Variants in CROCC2 observed in about 807,000 individuals in gnomAD.
The protein encoded by CROCC2 is ciliary rootlet coiled-coil protein 2.
Under a neutral mutation model 177.6 loss-of-function variants are expected in CROCC2, and 163 were observed. That is an observed-to-expected ratio of 0.92 (90% CI 0.81 to 1.05). The LOEUF is 1.05. Ranked by LOEUF, CROCC2 falls within the 50% of genes least tolerant of loss-of-function variation. CROCC2 has a pLI of 0.00. For synonymous variants in CROCC2, 904 were observed against 787.3 expected (o/e 1.15, Z -2.48); for missense variants, 1,929 against 1,797.8 (o/e 1.07, Z -1.32).
chr2:240,981,615 A>T (rs1036006030), intron 27 of CROCC2: 1 of 152,116 alleles, frequency 6.6e-6, no homozygotes, highest in African/African-American at 2.4e-5. Context: ...TATTTGCAGA[A>T]AACTTCTGCT....
intron 20 of CROCC2, chr2:240,959,860 G>A (rs749280746): frequency 1.4e-4 from 22 of 161,618 alleles, no homozygotes; most frequent in Non-Finnish European, 2.6e-4. Flanking sequence ...GGAGGCTGCC[G>A]TGGGTCCCGA....
chr2:240,969,859 T>G (rs2059709340), intron 27 of CROCC2, among the ~76,000 whole-genome samples: 3 of 152,064 alleles, frequency 2.0e-5, no homozygotes, highest in Admixed American at 6.6e-5. Flanking sequence ...GCTTCCCAAG[T>G]AGTCGGGATT....
At chr2:240,956,638 G>T (rs2059592220) in intron 19 of CROCC2, among the ~76,000 whole-genome samples, 1 of 152,246 alleles carries the variant, frequency 6.6e-6, no homozygotes, top group South Asian at 2.1e-4. Context: ...CCAGGGGGCT[G>T]GACAGGCAGC....
Position 240,949,579 on chromosome 2 carries a change from G to A in CROCC2, c.2529G>A (p.Lys843=). The stretch of plus-strand genomic sequence containing the variant: ...GTGACTGGGAGGTCCAGGAAATGAA[G>A]CTGCGGCAGGACACGGTGCGGCTCC... ...LQSDWEVQEM[K]LRQDTVRLQR... The change falls in exon 17 of 32, where the codon AAG becomes AAA. Residue 843 remains lysine (K), a synonymous_variant. Coordinates refer to ENST00000690015, the MANE Select transcript of CROCC2 (RefSeq NM_001351305.2). This position sits in a 1 kb window ranked among gnomAD's most constrained non-coding sequence, Gnocchi z 4.5. 2 of 1,550,618 alleles carry A rather than the reference G, an allele frequency of 1.3e-6. 1 individual carries two copies. Among genetic ancestry groups the A allele is most frequent in the South Asian group, 2.4e-5 (2 of 84,064 alleles).
intron 14 of CROCC2, among the ~76,000 whole-genome samples, chr2:240,938,503 C>T (rs938313313): frequency 6.6e-6 from 1 of 152,232 alleles, no homozygotes; most frequent in Non-Finnish European, 1.5e-5. Context: ...GTACACACAT[C>T]CACCTTGTTC....
chr2:240,987,084 T>C (rs1319139928), intron 28 of CROCC2, among the ~76,000 whole-genome samples: 3 of 152,220 alleles, frequency 2.0e-5, no homozygotes, highest in South Asian at 4.1e-4. Flanking sequence ...CACCAGCCCC[T>C]GCTGCTATTA....
At position 240,964,534 on chromosome 2, in the gene CROCC2, A is replaced by C; in HGVS notation, c.3374A>C (p.Gln1125Pro). 6.5e-7 allele frequency: 1 copy of C among 1,549,486 alleles called. No homozygotes were observed. The highest frequency in any genetic ancestry group is 8.7e-7 in the Non-Finnish European group (1 of 1,146,888). The change falls in exon 22 of 32, where the codon CAG becomes CCG. Residue 1125 changes from glutamine (Q) to proline (P), a missense_variant. Gln to Pro is a moderately conservative substitution (Grantham distance 76). Coordinates refer to ENST00000690015, the MANE Select transcript of CROCC2 (RefSeq NM_001351305.2). ...CTGGAGGAGGCCCAGGCGGCGTTGCAGCAGGAGGCCAGTGCACTGCGGGCC... is the reference window on the plus strand; with the variant it reads ...CTGGAGGAGGCCCAGGCGGCGTTGCCGCAGGAGGCCAGTGCACTGCGGGCC... ...LILEEAQAAL[Q>P]QEASALRAHL... is the part of the protein sequence containing the mutation.
intron 27 of CROCC2, among the ~76,000 whole-genome samples, chr2:240,970,108 C>G (rs1012503256): frequency 3.3e-5 from 5 of 152,190 alleles, no homozygotes; most frequent in African/African-American, 4.8e-5. Flanking sequence ...CTGAATTTAT[C>G]AAAACTAAGG....
In CROCC2 at chr2:240,918,950, T is replaced by G. The variant is rs13012377; in HGVS notation, c.229+74T>G. The G allele has an allele frequency of 0.013, 5,776 of 436,350 alleles. 95 individuals are homozygous for G. Among genetic ancestry groups the G allele is most frequent in the African/African-American group, 0.11 (3,155 of 27,536 alleles). 27.0% of individuals were successfully genotyped at this position (436,350 alleles called of 1,614,324 possible). A position where few individuals can be genotyped will look rare whatever the true frequency, so the allele number is the denominator to read the frequency against. ...GCGTGGGGGACAGTCCTGGGCCCGG[T>G]GCTGGCCAAGGTGACGGCGTGGGGG... is the stretch of plus-strand genomic sequence containing the variant. On this transcript the variant is annotated intron_variant, in intron 2 of 31. Coordinates refer to ENST00000690015, the MANE Select transcript of CROCC2 (RefSeq NM_001351305.2). This position sits in a 1 kb window ranked among gnomAD's most constrained non-coding sequence, Gnocchi z 6.3.
rs2059568848 is a variant in CROCC2, at chr2:240,953,314, C to T, written c.2830-2545C>T. ...CCTGTAATCCCCGCTACTCAGGAGG[C>T]TGAGGCAGGAGAATCGCTTGAACCC... On this transcript the variant is annotated intron_variant, in intron 18 of 31. Transcript: ENST00000690015. This position sits in a 1 kb window ranked among gnomAD's most constrained non-coding sequence, Gnocchi z 4.0. 6.6e-6 allele frequency among the ~76,000 whole-genome samples: 1 copy of T among 152,002 alleles called. No homozygotes were observed. The highest frequency in any genetic ancestry group is 6.5e-5 in the Admixed American group (1 of 15,272).
Position 240,950,366 on chromosome 2 carries a change from G to A in CROCC2, c.2685G>A (p.Lys895=), listed in dbSNP as rs201056750. 1.8e-3 allele frequency: 2,843 copies of A among 1,550,134 alleles called. 3 individuals carry two copies. The highest frequency in any genetic ancestry group is 2.4e-3 in the Non-Finnish European group (2,698 of 1,146,804). The stretch of plus-strand genomic sequence containing the variant: ...TGAGCCTGACCCTGGCAGAGGAGAA[G>A]GAGGTAGCCAGATGCCAGCTGGAGC... ...ETLSLTLAEE[K]EVARCQLEQE... is the part of the protein sequence containing the mutation. The change falls in exon 18 of 32, where the codon AAG becomes AAA. Residue 895 remains lysine (K), a synonymous_variant. Coordinates refer to ENST00000690015, the MANE Select transcript of CROCC2 (RefSeq NM_001351305.2).
intron 15 of CROCC2, among the ~76,000 whole-genome samples, chr2:240,946,619 C>A (rs1273128581): frequency 6.6e-6 from 1 of 152,206 alleles, no homozygotes; most frequent in East Asian, 1.9e-4. Flanking sequence ...CCCTCAGAAT[C>A]CTGCTTCTCT....
rs117091177 is a variant in CROCC2, at chr2:240,950,381, C to T, written c.2700C>T (p.Cys900=). The change falls in exon 18 of 32, where the codon TGC becomes TGT. Residue 900 remains cysteine (C), a synonymous_variant. Transcript: ENST00000690015. ...CAGAGGAGAAGGAGGTAGCCAGATGCCAGCTGGAGCAGGAGAAGGAGCTGG... is the reference window on the plus strand; with the variant it reads ...CAGAGGAGAAGGAGGTAGCCAGATGTCAGCTGGAGCAGGAGAAGGAGCTGG... ...TLAEEKEVAR[C]QLEQEKELVT... 0.013 allele frequency: 19,575 copies of T among 1,550,230 alleles called. 1,134 individuals carry two copies. In the East Asian group the frequency reaches 0.18, roughly 14 times the overall value.
intron 19 of CROCC2, 193 bp from the exon 20 acceptor site, chr2:240,959,108 C>T (rs1010935493): frequency 9.8e-6 from 6 of 613,322 alleles, no homozygotes; most frequent in South Asian, 2.2e-5. Flanking sequence ...GTGGATGTCT[C>T]CTCATCCCAG....
chr2:240,910,208 G>A (rs1391363026), intron 1 of CROCC2, among the ~76,000 whole-genome samples: 2 of 152,112 alleles, frequency 1.3e-5, no homozygotes, highest in South Asian at 2.1e-4. Flanking sequence ...GAAATTGCCC[G>A]TGAAGTGGGG....
intron 28 of CROCC2, among the ~76,000 whole-genome samples, chr2:240,985,602 ACACACACCCAGACACTCACTC>A (rs1435921529): frequency 1.4e-4 from 17 of 121,522 alleles, no homozygotes; most frequent in African/African-American, 2.5e-4. Context: ...CACTCACTCC[ACACACACCCAGACACTCACTC>A]CACACACACC....
chr2:240,966,969 C>T (rs1235053809), intron 25 of CROCC2, among the ~76,000 whole-genome samples: 7 of 152,096 alleles, frequency 4.6e-5, no homozygotes, highest in African/African-American at 1.7e-4. Context: ...CTGCCAGCCC[C>T]AGGGGGCAGG....
chr2:240,920,383 C>T (rs1421367493), intron 3 of CROCC2, among the ~76,000 whole-genome samples: 5 of 152,204 alleles, frequency 3.3e-5, no homozygotes, highest in Non-Finnish European at 7.3e-5. Flanking sequence ...TGATGCCCAG[C>T]GTGTCCCCTA....
At chr2:240,975,931 G>A (rs1449947468) in intron 27 of CROCC2, among the ~76,000 whole-genome samples, 1 of 151,962 alleles carries the variant, frequency 6.6e-6, no homozygotes, top group African/African-American at 2.4e-5. Context: ...GGGCTTCATT[G>A]TGTTGTCCAG....
Sources: gnomAD v4.1 joint callset for allele counts (sites outside exome capture counted in the v4.1 genomes callset) on GRCh38, gnomAD v4.1.1 for gene constraint, Gnocchi (gnomAD v3.1) non-coding constraint, MANE v1.5 for transcripts, NCBI Gene and HGNC (gene_info 2026-07-23, HGNC 2026-07-21) for gene names.